Variants in STAU2 observed in about 807,000 individuals in gnomAD.
STAU2 encodes the protein double-stranded RNA-binding protein Staufen homolog 2.
STAU2 carries 20 observed loss-of-function variants against 65.9 expected under a neutral mutation model. That is an observed-to-expected ratio of 0.30 (90% confidence interval 0.21 to 0.44). The LOEUF is 0.44. STAU2 is among the 20% of genes least tolerant of loss of function. The probability of loss-of-function intolerance (pLI) is 1.00; values close to 1 mark genes in which losing one functional copy is unlikely to be tolerated. For missense variants in STAU2, 558 were observed against 683.9 expected, an observed-to-expected ratio of 0.82 and a Z score of 2.05; for synonymous variants, 232 against 233.9, an observed-to-expected ratio of 0.99 and a Z score of 0.07.
At chr8:73,595,440 A>G in intron 10 of STAU2, 143 bp from the exon 11 acceptor site, 1 of 668,366 alleles carries the variant, frequency 1.5e-6, no homozygotes, top group Non-Finnish European at 2.3e-6. Context: ...CTAAGATAAC[A>G]TTTATGTAAT....
At chr8:73,711,212 T>C (rs10107451) in intron 3 of STAU2, among the ~76,000 whole-genome samples, 41,265 of 150,634 alleles carry the variant, frequency 0.27, 6,170 homozygotes, top group East Asian at 0.45. Context: ...CAAGACAGTT[T>C]TGAGAAAACC....
intron 9 of STAU2, among the ~76,000 whole-genome samples, chr8:73,607,667 G>A (rs1812129019): frequency 6.6e-6 from 1 of 150,882 alleles, no homozygotes; most frequent in Non-Finnish European, 1.5e-5. Context: ...AACCTGGGAG[G>A]AGGAGGTTGC....
intron 12 of STAU2, among the ~76,000 whole-genome samples, chr8:73,579,392 T>C (rs984129685): frequency 2.6e-5 from 4 of 152,210 alleles, no homozygotes; most frequent in African/African-American, 9.7e-5. Flanking sequence ...TAGTCCAATC[T>C]TGAATTAAGC....
At chr8:73,699,860 C>CAAAAA (rs201419278) in intron 4 of STAU2, among the ~76,000 whole-genome samples, 23,135 of 86,974 alleles carry the variant, frequency 0.27, 2,325 homozygotes, top group East Asian at 0.43. Context: ...AAACACACAT[C>CAAAAA]AAAAAAAAAA....
At chr8:73,455,293 G>A (rs960768474) in intron 13 of STAU2, among the ~76,000 whole-genome samples, 4 of 152,148 alleles carry the variant, frequency 2.6e-5, no homozygotes, top group African/African-American at 9.7e-5. Flanking sequence ...AGGAAGGAGA[G>A]GTTGTGAGAT....
At chr8:73,569,308 G>A (rs1033976989) in intron 12 of STAU2, among the ~76,000 whole-genome samples, 23 of 152,212 alleles carry the variant, frequency 1.5e-4, no homozygotes, top group South Asian at 2.1e-4. Flanking sequence ...CAAAGCAGCC[G>A]GGAAGCTCGA....
chr8:73,587,173 C>T lies in STAU2; in HGVS notation c.1162-4343G>A, dbSNP rs538643290. Among the ~76,000 whole-genome samples the T allele has an allele frequency of 6.6e-5, 10 of 152,000 alleles. 1 individual carries two copies. The highest frequency in any genetic ancestry group is 5.8e-4 in the East Asian group (3 of 5,196). On this transcript the variant is annotated intron_variant, in intron 11 of 14. Coordinates refer to ENST00000524300, the MANE Select transcript of STAU2 (RefSeq NM_001164380.2). ...TGCTGGGAGGTACAAGACAAGGGTG[C>T]GATGCCTTCCCAACTCCGTGAAAAT...
At chr8:73,687,519 A>G (rs1392892622) in intron 5 of STAU2, among the ~76,000 whole-genome samples, 1 of 143,158 alleles carries the variant, frequency 7.0e-6, no homozygotes, top group Non-Finnish European at 1.5e-5. Flanking sequence ...ATATATAACT[A>G]TATATTTAAA....
At chr8:73,467,594 G>A (rs1450820336) in intron 13 of STAU2, among the ~76,000 whole-genome samples, 1 of 152,110 alleles carries the variant, frequency 6.6e-6, no homozygotes. Flanking sequence ...TCTAAGGTGG[G>A]GTGGGAAAGA....
intron 13 of STAU2, among the ~76,000 whole-genome samples, chr8:73,524,519 C>A (rs1008025357): frequency 2.6e-5 from 4 of 152,108 alleles, no homozygotes; most frequent in Admixed American, 1.3e-4. Flanking sequence ...AATGAATGCA[C>A]CAGGTAATGT....
At chr8:73,442,151 G>A (rs550951474) in intron 13 of STAU2, among the ~76,000 whole-genome samples, 3 of 152,096 alleles carry the variant, frequency 2.0e-5, no homozygotes, top group Non-Finnish European at 4.4e-5. Context: ...TCAGGAGATC[G>A]AGATCATCCT....
At chr8:73,610,111 T>C (rs957875082) in intron 9 of STAU2, among the ~76,000 whole-genome samples, 2 of 151,942 alleles carry the variant, frequency 1.3e-5, no homozygotes, top group African/African-American at 4.8e-5. Flanking sequence ...AAACCCTGTC[T>C]CTACAAAAAA....
intron 5 of STAU2, among the ~76,000 whole-genome samples, chr8:73,677,975 T>A (rs1367930674): frequency 6.6e-6 from 1 of 152,160 alleles, no homozygotes; most frequent in Non-Finnish European, 1.5e-5. Context: ...AGCACACAAT[T>A]AACTGCTCTT....
At chr8:73,446,913 G>A (rs915961428) in intron 13 of STAU2, among the ~76,000 whole-genome samples, 1 of 152,134 alleles carries the variant, frequency 6.6e-6, no homozygotes, top group Non-Finnish European at 1.5e-5. Flanking sequence ...AGTCAAGTGT[G>A]GTGTGCATCT....
At chr8:73,509,393 C>T (rs1462348408) in intron 13 of STAU2, among the ~76,000 whole-genome samples, 2 of 152,212 alleles carry the variant, frequency 1.3e-5, no homozygotes, top group East Asian at 3.9e-4. Context: ...ACATACAATT[C>T]ATTAATCAAA....
chr8:73,731,874 G>T (rs1586372710), intron 3 of STAU2, among the ~76,000 whole-genome samples: 1 of 152,276 alleles, frequency 6.6e-6, no homozygotes, highest in Non-Finnish European at 1.5e-5. Context: ...GGGAGACAGA[G>T]GTTGCAGTGA....
chr8:73,506,651 T>G (rs1309779220), intron 13 of STAU2, among the ~76,000 whole-genome samples: 1 of 152,084 alleles, frequency 6.6e-6, no homozygotes, highest in Non-Finnish European at 1.5e-5. Context: ...AAGACTGGGG[T>G]GGCTATGGTT....
At chr8:73,662,922 CT>C (rs890049171) in intron 6 of STAU2, among the ~76,000 whole-genome samples, 5 of 149,840 alleles carry the variant, frequency 3.3e-5, no homozygotes, top group Non-Finnish European at 7.4e-5. Context: ...AGCCCAGGTT[CT>C]TTTTTTTTTC....
intron 12 of STAU2, among the ~76,000 whole-genome samples, chr8:73,575,359 G>A (rs544272675): frequency 7.9e-5 from 12 of 152,272 alleles, no homozygotes; most frequent in Non-Finnish European, 1.5e-4. Context: ...TCCTGAAGCT[G>A]TAGGGAAACA....
Sources: allele counts gnomAD v4.1 joint callset (sites outside exome capture counted in the v4.1 genomes callset), GRCh38; gene constraint gnomAD v4.1.1; transcripts MANE v1.5; gene names NCBI Gene and HGNC (gene_info 2026-07-23, HGNC 2026-07-21).